Variants in NEDD4L observed in about 807,000 individuals in gnomAD.
The protein encoded by NEDD4L is NEDD4 like E3 ubiquitin protein ligase, also known as E3 ubiquitin-protein ligase NEDD4-like.
A neutral mutation model predicts 148.9 loss-of-function variants in NEDD4L; 54 were observed. That is an observed-to-expected ratio of 0.36 (90% CI 0.29 to 0.45). The LOEUF (loss-of-function observed/expected upper bound fraction) is 0.45. Ranked by LOEUF, NEDD4L falls within the 20% of genes least tolerant of loss-of-function variation. The pLI, the probability that NEDD4L is intolerant of heterozygous loss-of-function variation, is 1.00. For missense variants in NEDD4L, 856 were observed against 1,233.8 expected (o/e 0.69, Z 4.59); for synonymous variants, 433 against 440.7 (o/e 0.98, Z 0.22).
chr18:58,225,295 A>G (rs2044229668), intron 2 of NEDD4L, among the ~76,000 whole-genome samples: 1 of 152,222 alleles, frequency 6.6e-6, no homozygotes, highest in African/African-American at 2.4e-5. Context: ...CTTTGATGAC[A>G]AAGCCAGCAT....
intron 5 of NEDD4L, among the ~76,000 whole-genome samples, chr18:58,257,652 T>C (rs1409785100): frequency 6.6e-6 from 1 of 152,194 alleles, no homozygotes; most frequent in Non-Finnish European, 1.5e-5. Flanking sequence ...TCTCTGTTCC[T>C]GATCGCTCCC....
rs555528303 is a variant in NEDD4L at position 58,348,610 on chromosome 18, G to A, written c.1576-927G>A. On this transcript the variant is annotated intron_variant, in intron 16 of 30. Transcript: ENST00000400345. ...ATTACAGGCATGAGCCATCGTGCCCGGCCTACACTGCATTTTAACTGGGTC... is the reference window on the plus strand; with the variant it reads ...ATTACAGGCATGAGCCATCGTGCCCAGCCTACACTGCATTTTAACTGGGTC... 4.6e-5 allele frequency among the ~76,000 whole-genome samples: 7 copies of A among 152,156 alleles called. No homozygotes were observed. The East Asian group carries it at 7.7e-4, about 17-fold the overall frequency.
At chr18:58,123,984 C>T (rs1276665989) in intron 1 of NEDD4L, among the ~76,000 whole-genome samples, 1 of 152,190 alleles carries the variant, frequency 6.6e-6, no homozygotes, top group African/African-American at 2.4e-5. Flanking sequence ...TAAAAACAGG[C>T]CTTATGACGT....
intron 2 of NEDD4L, among the ~76,000 whole-genome samples, chr18:58,240,498 T>G (rs1023960408): frequency 6.6e-6 from 1 of 152,098 alleles, no homozygotes; most frequent in African/African-American, 2.4e-5. Context: ...AGCAGAAGAT[T>G]CTAGGGCCCC....
intron 5 of NEDD4L, among the ~76,000 whole-genome samples, chr18:58,310,606 C>T (rs1047672866): frequency 2.0e-5 from 3 of 152,248 alleles, no homozygotes; most frequent in African/African-American, 7.2e-5. Flanking sequence ...GGTTATGCAA[C>T]GCCCAGCGTG....
chr18:58,182,762 G>A (rs1364682566), intron 2 of NEDD4L, among the ~76,000 whole-genome samples: 2 of 152,146 alleles, frequency 1.3e-5, no homozygotes, highest in South Asian at 2.1e-4. Context: ...GATTACAGGC[G>A]TGAGCCACTG....
intron 5 of NEDD4L, among the ~76,000 whole-genome samples, chr18:58,269,829 C>G (rs77358093): frequency 2.0e-5 from 3 of 149,602 alleles, no homozygotes; most frequent in Admixed American, 1.3e-4. Flanking sequence ...TCACATGGTT[C>G]CTCTTTCTAG....
At chr18:58,375,381 T>C (rs1190182176) in intron 24 of NEDD4L, among the ~76,000 whole-genome samples, 1 of 152,192 alleles carries the variant, frequency 6.6e-6, no homozygotes, top group Admixed American at 6.5e-5. Context: ...CCTTATGGAC[T>C]ATTTCTGAAA....
At chr18:58,283,214 T>G (rs1488371373) in intron 5 of NEDD4L, among the ~76,000 whole-genome samples, 1 of 152,176 alleles carries the variant, frequency 6.6e-6, no homozygotes, top group African/African-American at 2.4e-5. Flanking sequence ...TAGCTGGGAT[T>G]ACAGGTGCAC....
chr18:58,343,062 C>T lies in NEDD4L; in HGVS notation c.1534C>T (p.Arg512Trp). The T allele has an allele frequency of 1.9e-6, 3 of 1,611,800 alleles. No homozygotes were observed. The highest frequency in any genetic ancestry group is 1.1e-5 in the South Asian group (1 of 90,518). The change falls in exon 16 of 31, where the codon CGG becomes TGG. Residue 512 changes from arginine (R) to tryptophan (W), a missense_variant. Arg to Trp is a moderately radical substitution (Grantham distance 101). Around this residue, in one of 4 missense-constraint regions of NEDD4L, gnomAD observed 367 missense variants for 422.7 expected, o/e 0.87. Transcript: ENST00000400345. ...GWEMRIAPNG[R>W]PFFIDHNTKT... ...GGAAATGAGGATAGCGCCAAACGGC[C>T]GGCCCTTCTTCATTGATCATAACAC...
At chr18:58,200,693 G>A (rs1316170273) in intron 2 of NEDD4L, among the ~76,000 whole-genome samples, 1 of 152,178 alleles carries the variant, frequency 6.6e-6, no homozygotes. Flanking sequence ...GGCTACCAGA[G>A]GGGCCAGTAT....
chr18:58,285,754 C>G (rs548782019), intron 5 of NEDD4L, among the ~76,000 whole-genome samples: 1 of 152,164 alleles, frequency 6.6e-6, no homozygotes, highest in Non-Finnish European at 1.5e-5. Flanking sequence ...TTCTAACATT[C>G]AAATGCTTTT....
intron 5 of NEDD4L, chr18:58,314,417 T>G (rs2058044962): frequency 1.4e-5 from 1 of 72,002 alleles, no homozygotes. Context: ...AGACTCTGTC[T>G]CAAAAAAAAA....
In NEDD4L at chr18:58,335,480, C is replaced by T; in HGVS notation, c.1068C>T (p.Pro356=). 1 of 1,613,206 alleles carries T rather than the reference C, an allele frequency of 6.2e-7. No individual in the cohort carries two copies. The highest frequency in any genetic ancestry group is 8.5e-7 in the Non-Finnish European group (1 of 1,179,264). The change falls in exon 13 of 31, where the codon CCC becomes CCT. Residue 356 remains proline (P), a splice_region_variant and synonymous_variant. Transcript: ENST00000400345. The part of the protein sequence containing the change: ...AVAEQGHLPP[P]SAPAGRARSS... ...CTGATGTAAATTATCATTCACAGCCCAGTGCCCCAGCTGGGAGAGCGCGTT... is the reference window on the plus strand; with the variant it reads ...CTGATGTAAATTATCATTCACAGCCTAGTGCCCCAGCTGGGAGAGCGCGTT...
chr18:58,123,938 C>T (rs540738887), intron 1 of NEDD4L, among the ~76,000 whole-genome samples: 2 of 152,258 alleles, frequency 1.3e-5, no homozygotes, highest in African/African-American at 2.4e-5. Context: ...CTGCATTATT[C>T]GTTTCTTCCT....
At chr18:58,057,637 G>C (rs1204579272) in intron 1 of NEDD4L, among the ~76,000 whole-genome samples, 1 of 152,184 alleles carries the variant, frequency 6.6e-6, no homozygotes, top group African/African-American at 2.4e-5. Context: ...CAGCCTTACT[G>C]AGAATGTCTT....
At chr18:58,076,407 TTC>T (rs1439452448) in intron 1 of NEDD4L, among the ~76,000 whole-genome samples, 5 of 152,172 alleles carry the variant, frequency 3.3e-5, no homozygotes, top group Non-Finnish European at 7.4e-5. Context: ...TGATGAAAGA[TTC>T]TGCCCCAGGC....
At chr18:58,365,466 C>T (rs2045996166) in intron 20 of NEDD4L, among the ~76,000 whole-genome samples, 1 of 152,172 alleles carries the variant, frequency 6.6e-6, no homozygotes, top group Non-Finnish European at 1.5e-5. Flanking sequence ...TTCATGTCAG[C>T]GAACCATGCT....
At chr18:58,179,343 T>G (rs1037714420) in intron 2 of NEDD4L, among the ~76,000 whole-genome samples, 1 of 152,196 alleles carries the variant, frequency 6.6e-6, no homozygotes, top group African/African-American at 2.4e-5. Flanking sequence ...CAGAAACTGT[T>G]CTTTCTCTGG....
Sources: gnomAD v4.1 joint callset for allele counts (sites outside exome capture counted in the v4.1 genomes callset) on GRCh38, gnomAD v4.1.1 for gene constraint, gnomAD v4.1.1 regional missense constraint, MANE v1.5 for transcripts, NCBI Gene and HGNC (gene_info 2026-07-23, HGNC 2026-07-21) for gene names.